Variants in TMEM132B observed in about 807,000 individuals in gnomAD.
TMEM132B encodes transmembrane protein 132B.
In TMEM132B, 18 loss-of-function variants were observed where a neutral mutation model predicts 90.8. The ratio of observed to expected loss-of-function variants is 0.20; its 90% confidence interval spans 0.14 to 0.29. The LOEUF is 0.29. Among genes scored for constraint, TMEM132B ranks in the 10% least tolerant of loss-of-function variants. The probability of loss-of-function intolerance (pLI) is 1.00; values close to 1 mark genes in which losing one functional copy is unlikely to be tolerated. For synonymous variants in TMEM132B, 504 were observed against 523.3 expected, an observed-to-expected ratio of 0.96 and a Z score of 0.50; for missense variants, 1,096 against 1,326.8, an observed-to-expected ratio of 0.83 and a Z score of 2.70.
intron 1 of TMEM132B, among the ~76,000 whole-genome samples, chr12:125,199,827 A>G (rs1873015856): frequency 6.6e-6 from 1 of 152,192 alleles, no homozygotes; most frequent in Admixed American, 6.5e-5. Context: ...AAAAGGGCAG[A>G]GGATACACAT....
intron 3 of TMEM132B, among the ~76,000 whole-genome samples, chr12:125,433,206 T>G (rs1303401333): frequency 1.3e-5 from 2 of 152,198 alleles, no homozygotes; most frequent in Non-Finnish European, 2.9e-5. Context: ...GATTTAGACC[T>G]GGCCACAGAG....
chr12:125,270,551 C>T (rs1288682845), intron 1 of TMEM132B, among the ~76,000 whole-genome samples: 1 of 152,108 alleles, frequency 6.6e-6, no homozygotes, highest in East Asian at 1.9e-4. Flanking sequence ...AGAATGAATC[C>T]AAGGCTGCAT....
At chr12:125,431,182 T>A (rs1880492446) in intron 3 of TMEM132B, among the ~76,000 whole-genome samples, 1 of 152,138 alleles carries the variant, frequency 6.6e-6, no homozygotes, top group Non-Finnish European at 1.5e-5. Context: ...ACTTTACCTT[T>A]TTTGAAAGAT....
chr12:125,379,158 T>G (rs193140577), intron 2 of TMEM132B, among the ~76,000 whole-genome samples: 3 of 152,326 alleles, frequency 2.0e-5, no homozygotes, highest in African/African-American at 7.2e-5. Flanking sequence ...TCCAAAGATG[T>G]CCAAGTCTTA....
rs2137055994 is a variant in TMEM132B, at chr12:125,653,828, C to G, written c.2370C>G (p.Val790=). 6.2e-7 allele frequency: 1 copy of G among 1,614,120 alleles called. No homozygotes were observed. The highest frequency in any genetic ancestry group is 2.2e-5 in the East Asian group (1 of 44,878). ...TTCTTGCCGTGGGTAAAGGAAATGT[C>G]AAGGTCAAATTCGAACCAAGTAGTG... ...KSVLAVGKGN[V]KVKFEPSSDE... is the part of the protein sequence containing the mutation. Residue 790 remains valine, a synonymous_variant, in exon 9 of 9, where the codon GTC becomes GTG. Transcript: ENST00000682704.
At chr12:125,255,467 C>A (rs574414353) in intron 1 of TMEM132B, among the ~76,000 whole-genome samples, 10 of 152,306 alleles carry the variant, frequency 6.6e-5, no homozygotes, top group African/African-American at 2.4e-4. Flanking sequence ...AATCCGCAGA[C>A]TTTCCTAATG....
At chr12:125,304,363 T>A (rs1279133773) in intron 1 of TMEM132B, among the ~76,000 whole-genome samples, 1 of 152,220 alleles carries the variant, frequency 6.6e-6, no homozygotes, top group Admixed American at 6.5e-5. Flanking sequence ...ATTTTATTTT[T>A]AAGAAGTCCA....
chr12:125,555,302 A>C (rs1884345755), intron 4 of TMEM132B, among the ~76,000 whole-genome samples: 2 of 152,082 alleles, frequency 1.3e-5, no homozygotes, highest in Non-Finnish European at 2.9e-5. Context: ...ATTGGTTGCA[A>C]ATTAAACCTC....
intron 2 of TMEM132B, among the ~76,000 whole-genome samples, chr12:125,412,023 C>G (rs753360763): frequency 2.0e-5 from 3 of 152,096 alleles, no homozygotes; most frequent in Non-Finnish European, 4.4e-5. Context: ...CACGGCACCC[C>G]CCGTGCTAGG....
intron 4 of TMEM132B, among the ~76,000 whole-genome samples, chr12:125,577,116 G>C (rs1593002484): frequency 6.6e-6 from 1 of 151,836 alleles, no homozygotes; most frequent in African/African-American, 2.4e-5. Flanking sequence ...ATCTGGTCCT[G>C]AGCTTTTCTT....
intron 1 of TMEM132B, among the ~76,000 whole-genome samples, chr12:125,304,439 A>G (rs538365384): frequency 6.6e-6 from 1 of 152,158 alleles, no homozygotes; most frequent in Non-Finnish European, 1.5e-5. Context: ...AAATCCATGA[A>G]GATTTGTCCT....
chr12:125,441,575 T>C (rs1037853036), intron 3 of TMEM132B, among the ~76,000 whole-genome samples: 1 of 152,232 alleles, frequency 6.6e-6, no homozygotes, highest in Non-Finnish European at 1.5e-5. Flanking sequence ...TTTGAAGTTA[T>C]CTGCTGGCCC....
At chr12:125,299,992 C>A (rs1992891) in intron 1 of TMEM132B, among the ~76,000 whole-genome samples, 3 of 152,092 alleles carry the variant, frequency 2.0e-5, no homozygotes, top group Non-Finnish European at 2.9e-5. Context: ...GGCCTGAGGC[C>A]CTGCAGGGTC....
intron 1 of TMEM132B, among the ~76,000 whole-genome samples, chr12:125,202,884 G>A (rs1873096204): frequency 6.6e-6 from 1 of 152,178 alleles, no homozygotes; most frequent in African/African-American, 2.4e-5. Flanking sequence ...AGCTGTTTCT[G>A]ATATGAACTT....
At chr12:125,431,489 G>A (rs1347141716) in intron 3 of TMEM132B, among the ~76,000 whole-genome samples, 1 of 152,144 alleles carries the variant, frequency 6.6e-6, no homozygotes, top group African/African-American at 2.4e-5. Flanking sequence ...GAGAGTCTGG[G>A]ATAAGGACCG....
chr12:125,283,154 A>T (rs1474710953), intron 1 of TMEM132B, among the ~76,000 whole-genome samples: 1 of 152,074 alleles, frequency 6.6e-6, no homozygotes, highest in African/African-American at 2.4e-5. Flanking sequence ...GTCCCAGGGG[A>T]CTTGCCAATT....
At chr12:125,439,556 A>G (rs1393211070) in intron 3 of TMEM132B, among the ~76,000 whole-genome samples, 1 of 152,330 alleles carries the variant, frequency 6.6e-6, no homozygotes, top group African/African-American at 2.4e-5. Flanking sequence ...TATCAGCTGA[A>G]GGAGCTTTTG....
intron 1 of TMEM132B, among the ~76,000 whole-genome samples, chr12:125,336,854 A>T (rs1366197330): frequency 1.3e-5 from 2 of 152,142 alleles, no homozygotes; most frequent in Non-Finnish European, 2.9e-5. Flanking sequence ...CTGCTTCCCA[A>T]TCACACAGTG....
chr12:125,336,273 A>T (rs1876956819), intron 1 of TMEM132B, among the ~76,000 whole-genome samples: 1 of 152,044 alleles, frequency 6.6e-6, no homozygotes, highest in Non-Finnish European at 1.5e-5. Context: ...GCCTTCTTTC[A>T]CTCAGCATGA....
Sources: gnomAD v4.1 joint callset for allele counts (sites outside exome capture counted in the v4.1 genomes callset) on GRCh38, gnomAD v4.1.1 for gene constraint, MANE v1.5 for transcripts, NCBI Gene and HGNC (gene_info 2026-07-23, HGNC 2026-07-21) for gene names.